The following MYO16 variants were observed in gnomAD, a reference collection of about 807,000 sequenced individuals.
MYO16 encodes the protein unconventional myosin-XVI.
Under a neutral mutation model 205.3 loss-of-function variants are expected in MYO16, and 94 were observed. The ratio of observed to expected loss-of-function variants is 0.46; its 90% CI spans 0.39 to 0.54. The LOEUF (loss-of-function observed/expected upper bound fraction) is 0.54. Among genes scored for constraint, MYO16 ranks in the 20% least tolerant of loss-of-function variants. MYO16 has a pLI of 0.00. For missense variants in MYO16, 2,315 were observed against 2,387.5 expected (o/e 0.97, Z 0.63); for synonymous variants, 988 against 954.0 (o/e 1.04, Z -0.66).
intron 33 of MYO16, among the ~76,000 whole-genome samples, chr13:109,173,628 G>A (rs2139898724): frequency 6.6e-6 from 1 of 152,192 alleles, no homozygotes; most frequent in African/African-American, 2.4e-5. Context: ...GGGCGCGGTG[G>A]CTCACGCCTG....
upstream of MYO16, among the ~76,000 whole-genome samples, chr13:108,624,996 C>T (rs1163719962): frequency 1.3e-5 from 2 of 152,054 alleles, no homozygotes; most frequent in African/African-American, 2.4e-5. Flanking sequence ...ATTTTCTAGC[C>T]GTTATATGAC....
chr13:108,898,810 C>A (rs1362039934), intron 15 of MYO16, among the ~76,000 whole-genome samples: 1 of 152,066 alleles, frequency 6.6e-6, no homozygotes, highest in Non-Finnish European at 1.5e-5. Flanking sequence ...TAGAATTTTA[C>A]ATCTTTCCAA....
At chr13:108,873,698 T>C (rs1325674938) in intron 12 of MYO16, among the ~76,000 whole-genome samples, 13 of 115,574 alleles carry the variant, frequency 1.1e-4, no homozygotes, top group African/African-American at 3.6e-4. Context: ...CAGGACAGGG[T>C]CCATGCCAAC....
chr13:108,623,509 A>C (rs553120237), intron 1 of MYO16, among the ~76,000 whole-genome samples: 141 of 152,282 alleles, frequency 9.3e-4, no homozygotes, highest in Middle Eastern at 6.8e-3. Flanking sequence ...GGGGATATTG[A>C]AAAACAATAT....
In MYO16 at chr13:109,005,972, G is replaced by T. The variant is rs187456472; in HGVS notation, c.2443-2925G>T. On this transcript the variant is annotated intron_variant, in intron 21 of 34. Coordinates refer to ENST00000457511, the MANE Select transcript of MYO16 (RefSeq NM_001198950.3). The stretch of plus-strand genomic sequence containing the variant: ...AGTCATTACTAGCCACACCCTTAAG[G>T]GTAAGTGGGAGCTCCCTTTGGGAGG... 3.4e-3 allele frequency among the ~76,000 whole-genome samples: 512 copies of T among 152,196 alleles called. 4 individuals are homozygous for T. Among genetic ancestry groups the T allele is most frequent in the Non-Finnish European group, 2.9e-3 (200 of 68,024 alleles).
At chr13:108,979,688 C>T (rs568176763) in intron 20 of MYO16, among the ~76,000 whole-genome samples, 1 of 152,120 alleles carries the variant, frequency 6.6e-6, no homozygotes, top group African/African-American at 2.4e-5. Flanking sequence ...TACCAAAATA[C>T]CCATATGTAT....
intron 28 of MYO16, among the ~76,000 whole-genome samples, chr13:109,105,457 A>G (rs1889097329): frequency 1.3e-5 from 2 of 152,238 alleles, no homozygotes; most frequent in African/African-American, 4.8e-5. Context: ...GGACAACAAG[A>G]GTGAAACTCC....
chr13:108,863,939 T>A (rs1878578090), intron 11 of MYO16, among the ~76,000 whole-genome samples: 1 of 152,154 alleles, frequency 6.6e-6, no homozygotes, highest in Admixed American at 6.5e-5. Context: ...CTACTTGACC[T>A]TAATTTCTAA....
At chr13:109,006,566 C>T (rs1431432861) in intron 21 of MYO16, among the ~76,000 whole-genome samples, 3 of 152,074 alleles carry the variant, frequency 2.0e-5, no homozygotes, top group Non-Finnish European at 4.4e-5. Flanking sequence ...TTAACAAAAG[C>T]TTTCGCATTT....
Position 109,206,842 on chromosome 13 carries a change from C to A in MYO16, c.*6C>A, listed in dbSNP as rs867243768. 5.0e-6 allele frequency: 8 copies of A among 1,612,036 alleles called. 1 individual carries two copies. In the Middle Eastern group the frequency reaches 9.9e-4, roughly 200 times the overall value. On this transcript the variant is annotated 3_prime_UTR_variant, in exon 35 of 35. Coordinates refer to ENST00000457511, the MANE Select transcript of MYO16 (RefSeq NM_001198950.3). The stretch of plus-strand genomic sequence containing the variant: ...TCTGGGACACCACCATTTGATGTGG[C>A]CTGAACTGCAGACTTACAAAATAGA...
upstream of MYO16, among the ~76,000 whole-genome samples, chr13:108,627,257 A>G (rs2139346306): frequency 6.6e-6 from 1 of 152,246 alleles, no homozygotes; most frequent in Admixed American, 6.5e-5. Flanking sequence ...TGTGGTTTCA[A>G]AGACAAAAAG....
intron 20 of MYO16, among the ~76,000 whole-genome samples, chr13:108,966,264 A>G (rs543830502): frequency 2.0e-5 from 3 of 152,340 alleles, no homozygotes; most frequent in African/African-American, 7.2e-5. Context: ...GATTCACAGA[A>G]TGATACTAAT....
At chr13:109,022,994 A>G (rs1886144766) in intron 23 of MYO16, among the ~76,000 whole-genome samples, 1 of 134,982 alleles carries the variant, frequency 7.4e-6, no homozygotes, top group Non-Finnish European at 1.5e-5. Context: ...ATATATTTAT[A>G]TATTATATAT....
At chr13:108,604,222 A>G (rs548117482) in intron 1 of MYO16, among the ~76,000 whole-genome samples, 9 of 152,318 alleles carry the variant, frequency 5.9e-5, no homozygotes, top group Non-Finnish European at 1.2e-4. Flanking sequence ...TTGCAATTTA[A>G]GATGAGATTT....
Position 108,667,246 on chromosome 13 carries a change from CTCAAG to C in MYO16, c.292+1101_292+1105del, listed in dbSNP as rs1881774423. Among the ~76,000 whole-genome samples the C allele has an allele frequency of 2.0e-5, 3 of 151,244 alleles. No homozygotes were observed. In the South Asian group the frequency reaches 6.3e-4, roughly 32 times the overall value. ...ATAATAGTTATACATGGTAAGAAGA[CTCAAG>C]TCATTTTTTTCATGGTTTTGTATGG... On this transcript the variant is annotated intron_variant, in intron 2 of 34. Coordinates refer to ENST00000457511, the MANE Select transcript of MYO16 (RefSeq NM_001198950.3).
chr13:109,072,470 G>T (rs1413870338), intron 27 of MYO16, among the ~76,000 whole-genome samples: 1 of 151,674 alleles, frequency 6.6e-6, no homozygotes, highest in Non-Finnish European at 1.5e-5. Flanking sequence ...TTATCATTTT[G>T]CTCTTGAAAT....
chr13:108,714,256 C>T (rs991150888), intron 3 of MYO16, among the ~76,000 whole-genome samples: 15 of 152,138 alleles, frequency 9.9e-5, no homozygotes, highest in Admixed American at 3.9e-4. Flanking sequence ...GGGGTTTCAC[C>T]ATGTTCGCTA....
chr13:108,851,647 A>G (rs1271137582), intron 10 of MYO16, among the ~76,000 whole-genome samples: 1 of 152,192 alleles, frequency 6.6e-6, no homozygotes, highest in Non-Finnish European at 1.5e-5. Context: ...AGTTGCATAC[A>G]GTTGCATATG....
intron 30 of MYO16, among the ~76,000 whole-genome samples, chr13:109,126,467 C>T (rs1876256544): frequency 6.6e-6 from 1 of 152,116 alleles, no homozygotes; most frequent in African/African-American, 2.4e-5. Context: ...CACATGATTA[C>T]GTTGACATGC....
Sources: allele counts gnomAD v4.1 joint callset (sites outside exome capture counted in the v4.1 genomes callset), GRCh38; gene constraint gnomAD v4.1.1; transcripts MANE v1.5; gene names NCBI Gene and HGNC (gene_info 2026-07-23, HGNC 2026-07-21).